The following PLEKHG7 variants were observed in gnomAD, a reference collection of about 807,000 sequenced individuals.
PLEKHG7 encodes pleckstrin homology and RhoGEF domain containing G7, also known as pleckstrin homology domain-containing family G member 7.
Under a neutral mutation model 85.2 loss-of-function variants are expected in PLEKHG7, and 77 were observed. The ratio of observed to expected loss-of-function variants is 0.90; its 90% CI spans 0.75 to 1.09. PLEKHG7 has a LOEUF of 1.09. PLEKHG7 is among the 50% of genes least tolerant of loss of function. The pLI, the probability that PLEKHG7 is intolerant of heterozygous loss-of-function variation, is 0.00. For missense variants in PLEKHG7, 777 were observed against 804.3 expected (o/e 0.97, Z 0.41); for synonymous variants, 301 against 302.4 (o/e 1.00, Z 0.05).
chr12:92,726,777 G>A (rs533690896), intron 3 of PLEKHG7, among the ~76,000 whole-genome samples: 5 of 152,286 alleles, frequency 3.3e-5, no homozygotes, highest in African/African-American at 1.2e-4. Flanking sequence ...TAGGAGAAAG[G>A]AGAAGGGCAG....
At position 92,707,090 on chromosome 12, in the gene PLEKHG7, A is replaced by G; in HGVS notation, c.459A>G (p.Gln153=). 2 of 1,614,086 alleles carry G rather than the reference A, an allele frequency of 1.2e-6. No homozygotes were observed. The highest frequency in any genetic ancestry group is 1.7e-6 in the Non-Finnish European group (2 of 1,180,004). ...GSLHQASLRQ[Q]EGHFLPSPTL... The stretch of plus-strand genomic sequence containing the variant: ...TTCACCAGGCCTCTCTTCGGCAGCA[A>G]GAAGGCCACTTCCTGCCCAGCCCCA... The change falls in exon 2 of 17, where the codon CAA becomes CAG. Residue 153 remains glutamine (Q), a synonymous_variant. Transcript: ENST00000344636.
intron 3 of PLEKHG7, among the ~76,000 whole-genome samples, chr12:92,728,713 A>G (rs1244465054): frequency 6.6e-6 from 1 of 152,092 alleles, no homozygotes; most frequent in Non-Finnish European, 1.5e-5. Flanking sequence ...AAACATGTGT[A>G]CAGGTGTCTT....
chr12:92,742,615 T>G (rs956913156), intron 9 of PLEKHG7, among the ~76,000 whole-genome samples: 16 of 149,688 alleles, frequency 1.1e-4, no homozygotes, highest in African/African-American at 3.9e-4. Flanking sequence ...TTAGACAGTC[T>G]CACTCTGTTG....
At chr12:92,719,542 T>G (rs1181011440) in intron 3 of PLEKHG7, among the ~76,000 whole-genome samples, 1 of 152,214 alleles carries the variant, frequency 6.6e-6, no homozygotes. Flanking sequence ...CTGGGCAACA[T>G]TCGTAGCAAA....
At chr12:92,761,644 AAGAAAG>A (rs1419345208) in intron 13 of PLEKHG7, 102 bp from the exon 14 acceptor site, 5 of 951,296 alleles carry the variant, frequency 5.3e-6, no homozygotes, top group South Asian at 2.2e-5. Flanking sequence ...GAAAGAAAGA[AAGAAAG>A]AAAGAAAGAA....
chr12:92,715,253 C>T (rs1166641795), intron 3 of PLEKHG7, among the ~76,000 whole-genome samples: 2 of 152,112 alleles, frequency 1.3e-5, no homozygotes, highest in Non-Finnish European at 2.9e-5. Flanking sequence ...CTCAGATCTT[C>T]ACGTTTTTCT....
At chr12:92,739,723 T>A (rs1321651895) in intron 7 of PLEKHG7, among the ~76,000 whole-genome samples, 1 of 152,250 alleles carries the variant, frequency 6.6e-6, no homozygotes, top group Non-Finnish European at 1.5e-5. Context: ...GTATTTTTTT[T>A]AAATAGCAAA....
chr12:92,738,053 C>T (rs1872230410), intron 7 of PLEKHG7, among the ~76,000 whole-genome samples: 1 of 152,170 alleles, frequency 6.6e-6, no homozygotes, highest in East Asian at 1.9e-4. Context: ...TCTCTCGGAG[C>T]TCTTGCTCCC....
intron 3 of PLEKHG7, chr12:92,708,644 T>A (rs551052799): frequency 2.6e-5 from 4 of 152,158 alleles, no homozygotes; most frequent in Non-Finnish European, 5.9e-5. Flanking sequence ...ATGTTCCTTA[T>A]CCTGCTCATG....
intron 9 of PLEKHG7, 114 bp downstream of exon 9, chr12:92,741,706 C>T (rs1469251576): frequency 1.6e-6 from 1 of 632,484 alleles, no homozygotes; most frequent in East Asian, 3.0e-5. Flanking sequence ...TACCTCCACT[C>T]TCCTACAAAG....
rs1871286521 is a variant in PLEKHG7, at chr12:92,707,916, T to C, written c.530+244T>C. The C allele has an allele frequency of 1.0e-5, 6 of 585,638 alleles. No homozygotes were observed. In the East Asian group the frequency reaches 1.8e-4, roughly 17 times the overall value. 36.3% of individuals were successfully genotyped at this position (585,638 alleles called of 1,614,324 possible). A position where few individuals can be genotyped will look rare whatever the true frequency, so the allele number is the denominator to read the frequency against. ...ATGCAGTCATAGTTTTCATTTTGAA[T>C]TGTCAATGTCTTGGCCCTGTGGCTT... On this transcript the variant is annotated intron_variant, in intron 3 of 16. Transcript: ENST00000344636.
At chr12:92,762,001 A>T (rs1416393764) in intron 14 of PLEKHG7, among the ~76,000 whole-genome samples, 170 bp downstream of exon 14, 2 of 151,464 alleles carry the variant, frequency 1.3e-5, no homozygotes, top group African/African-American at 2.5e-5. Flanking sequence ...AAAGCTCTGA[A>T]GTAAATAAAT....
Position 92,754,248 on chromosome 12 carries a change from G to T in PLEKHG7, c.1410G>T (p.Lys470Asn), listed in dbSNP as rs1217724944. Residue 470 changes from lysine (K) to asparagine (N), a missense_variant, in exon 11 of 17, where the codon AAG becomes AAT. Coordinates refer to ENST00000344636, the MANE Select transcript of PLEKHG7 (RefSeq NM_001377329.1). ...EKIMIYSIKE[K>N]VEKSIRDLEG... is the part of the protein sequence containing the mutation. ...TCATGATCTACTCCATCAAGGAAAAGGTGGAAAAGTCCATCCGTAAGTCCC... is the reference window on the plus strand; with the variant it reads ...TCATGATCTACTCCATCAAGGAAAATGTGGAAAAGTCCATCCGTAAGTCCC... 5.0e-6 allele frequency: 8 copies of T among 1,613,880 alleles called. No homozygotes were observed. The South Asian group carries it at 8.8e-5, about 18-fold the overall frequency.
chr12:92,761,533 A>AT (rs1427038463), intron 13 of PLEKHG7, among the ~76,000 whole-genome samples: 1 of 85,482 alleles, frequency 1.2e-5, no homozygotes, highest in Non-Finnish European at 2.5e-5. Context: ...GAATTCATTG[A>AT]TTAAAAAAAA....
chr12:92,738,613 GACTGTC>G (rs1315789674), intron 7 of PLEKHG7, among the ~76,000 whole-genome samples: 2 of 152,218 alleles, frequency 1.3e-5, no homozygotes, highest in African/African-American at 4.8e-5. Flanking sequence ...GAATGTGCAT[GACTGTC>G]ACCCAGAAAA....
At chr12:92,736,702 C>A in intron 6 of PLEKHG7, 125 bp downstream of exon 6, 2 of 503,178 alleles carry the variant, frequency 4.0e-6, no homozygotes, top group South Asian at 1.1e-4. Context: ...GAGCAAAATG[C>A]AAGAGAGGAA....
rs113915356 is a variant in PLEKHG7 at position 92,720,387 on chromosome 12, G to A, written c.531-8606G>A. On this transcript the variant is annotated intron_variant, in intron 3 of 16. Coordinates refer to ENST00000344636, the MANE Select transcript of PLEKHG7 (RefSeq NM_001377329.1). ...GTCACCCAGGCTGGAGTGTAGTGGC[G>A]TAATCTCAGCTCACTGCAACCTCTG... 3.6e-3 allele frequency among the ~76,000 whole-genome samples: 549 copies of A among 151,262 alleles called. 2 individuals carry two copies. The highest frequency in any genetic ancestry group is 0.013 in the African/African-American group (529 of 41,170).
rs1452131267 is a variant in PLEKHG7, at chr12:92,754,808, G to A, written c.1426+544G>A. Among the ~76,000 whole-genome samples, 3 of 152,138 alleles carry A rather than the reference G, an allele frequency of 2.0e-5. No individual in the cohort carries two copies. The East Asian group carries it at 5.8e-4, about 29-fold the overall frequency. On this transcript the variant is annotated intron_variant, in intron 11 of 16. Transcript: ENST00000344636. The stretch of plus-strand genomic sequence containing the variant: ...GTATAACTGAAATTCCCATAAAGAA[G>A]TTCATGATTTATGCCCAAAAACCAA...
chr12:92,720,386 C>T (rs558827281), intron 3 of PLEKHG7, among the ~76,000 whole-genome samples: 7 of 151,368 alleles, frequency 4.6e-5, no homozygotes, highest in East Asian at 2.0e-4. Context: ...AGTGTAGTGG[C>T]GTAATCTCAG....
Sources: allele counts gnomAD v4.1 joint callset (sites outside exome capture counted in the v4.1 genomes callset), GRCh38; gene constraint gnomAD v4.1.1; transcripts MANE v1.5; gene names NCBI Gene and HGNC (gene_info 2026-07-23, HGNC 2026-07-21).